Variants in KCTD2 observed in about 807,000 individuals in gnomAD.
KCTD2 encodes the protein BTB/POZ domain-containing protein KCTD2.
Under a neutral mutation model 27.9 loss-of-function variants are expected in KCTD2, and 18 were observed. The observed-to-expected ratio is 0.64, with a 90% confidence interval of 0.45 to 0.96. The LOEUF (loss-of-function observed/expected upper bound fraction) is 0.96, where lower values mean the gene tolerates loss of function less well. Ranked by LOEUF, KCTD2 falls within the 40% of genes least tolerant of loss-of-function variation. KCTD2 has a pLI of 0.00. For synonymous variants in KCTD2, 175 were observed against 148.4 expected (o/e 1.18, Z -1.30); for missense variants, 280 against 348.0 (o/e 0.80, Z 1.56).
intron 3 of KCTD2, among the ~76,000 whole-genome samples, chr17:75,055,097 C>A (rs1177080647): frequency 6.6e-6 from 1 of 152,050 alleles, no homozygotes; most frequent in Non-Finnish European, 1.5e-5. Context: ...CTCTGTCACC[C>A]AGGCAGGAGT....
upstream of KCTD2, chr17:75,046,932 G>T (rs752429600): frequency 2.4e-4 from 38 of 159,098 alleles, no homozygotes; most frequent in Non-Finnish European, 4.4e-4. Flanking sequence ...CACCTTCACC[G>T]ACCCTGGCTG....
upstream of KCTD2, chr17:75,042,571 A>G: frequency 6.2e-7 from 1 of 1,612,880 alleles, no homozygotes; most frequent in East Asian, 2.2e-5. Flanking sequence ...GGAACTAGCA[A>G]TGGCCTTTTG....
rs1366231294 is a variant in KCTD2, at chr17:75,064,151, AC to A, written c.*1110del. Reference sequence around the variant, plus strand: ...CTGGGGACCCCCTGTGTCTCTGACCACCCCCCTGACCCCCGCCATTACTTTC... The same window carrying A: ...CTGGGGACCCCCTGTGTCTCTGACCACCCCCTGACCCCCGCCATTACTTTC... On this transcript the variant is annotated 3_prime_UTR_variant, in exon 6 of 6. Transcript: ENST00000322444. The A allele has an allele frequency of 1.3e-5, 2 of 151,014 alleles. No homozygotes were observed. Among genetic ancestry groups the A allele is most frequent in the Non-Finnish European group, 1.5e-5 (1 of 67,694 alleles). 9.4% of individuals were successfully genotyped at this position (151,014 alleles called of 1,614,324 possible).
At chr17:75,036,174 C>G (rs1332114373) in intron 3 of KCTD2, 1 of 360,310 alleles carries the variant, frequency 2.8e-6, no homozygotes, top group Admixed American at 3.0e-5. Flanking sequence ...CTGCCTCATC[C>G]TCCCAAAGTG....
intron 3 of KCTD2, chr17:75,039,464 T>C (rs1480419602): frequency 8.8e-6 from 5 of 571,124 alleles, no homozygotes; most frequent in East Asian, 2.9e-5. Context: ...GAAGCCCATA[T>C]GGAAAACCAG....
At chr17:75,043,216 G>A (rs951762219), upstream of KCTD2, among the ~76,000 whole-genome samples, 10 of 152,216 alleles carry the variant, frequency 6.6e-5, no homozygotes, top group Admixed American at 4.6e-4. Flanking sequence ...GCAAGAGTCC[G>A]TCTCAAAAAG....
intron 4 of KCTD2, chr17:75,060,510 C>A (rs1225548800): frequency 6.2e-7 from 1 of 1,612,436 alleles, no homozygotes. Flanking sequence ...AACAGCGCGA[C>A]AGCCAAGACC....
Position 75,050,339 on chromosome 17 carries a change from G to A in KCTD2, c.448+1011G>A, listed in dbSNP as rs182347291. Among the ~76,000 whole-genome samples the A allele has an allele frequency of 4.1e-3, 625 of 151,776 alleles. 4 individuals carry two copies. Among genetic ancestry groups the A allele is most frequent in the Non-Finnish European group, 3.9e-3 (264 of 67,968 alleles). ...TGCACTGGCACAATCTTGACTCACT[G>A]CAACCTCAGCCTCCTGGGTTCAAGC... On this transcript the variant is annotated intron_variant, in intron 2 of 5. Transcript: ENST00000322444.
At chr17:75,033,694 G>C (rs1245155245) in intron 1 of KCTD2, among the ~76,000 whole-genome samples, 2 of 152,238 alleles carry the variant, frequency 1.3e-5, no homozygotes, top group Non-Finnish European at 2.9e-5. Flanking sequence ...GGGGCTCCAT[G>C]GGGCGTCCCA....
intron 3 of KCTD2, among the ~76,000 whole-genome samples, chr17:75,054,933 C>T (rs185043015): frequency 4.7e-4 from 71 of 152,272 alleles, no homozygotes; most frequent in African/African-American, 1.6e-3. Flanking sequence ...CGTGCTCCAC[C>T]ATGACTACCT....
intron 3 of KCTD2, among the ~76,000 whole-genome samples, chr17:75,053,500 G>A (rs979787923): frequency 6.6e-6 from 1 of 152,024 alleles, no homozygotes; most frequent in Admixed American, 6.6e-5. Flanking sequence ...GAGTGCAGTG[G>A]TGCAATCTCG....
chr17:75,059,053 G>A (rs1171343735), intron 3 of KCTD2: 1 of 151,950 alleles, frequency 6.6e-6, no homozygotes, highest in Admixed American at 6.6e-5. Context: ...AGCCAAGATT[G>A]CACCATTGCA....
rs1459986652 is a variant in KCTD2 at position 75,039,232 on chromosome 17, T to C, written c.-259+3875T>C. ...ACCTCTTTCTCATATTCTACAATCCTGGCCTTTGAGAGAGACACCCACTCA... is the reference window on the plus strand; with the variant it reads ...ACCTCTTTCTCATATTCTACAATCCCGGCCTTTGAGAGAGACACCCACTCA... On this transcript the variant is annotated intron_variant, in intron 3 of 7. Coordinates refer to the KCTD2 transcript ENST00000581589. The C allele has an allele frequency of 2.5e-6, 4 of 1,614,096 alleles. No individual in the cohort carries two copies. In the South Asian group the frequency reaches 3.3e-5, roughly 13 times the overall value.
At chr17:75,044,502 GCC>G (rs760365779), upstream of KCTD2, among the ~76,000 whole-genome samples, 1 of 76,934 alleles carries the variant, frequency 1.3e-5, no homozygotes, top group African/African-American at 2.7e-4. Context: ...ACCGCGCCCG[GCC>G]CTAATTTTTG....
chr17:75,042,142 A>G (rs778434521), intron 3 of KCTD2: 44 of 1,548,688 alleles, frequency 2.8e-5, no homozygotes, highest in Non-Finnish European at 3.6e-5. Flanking sequence ...ACCCACAGGC[A>G]TGTTACAAGC....
At chr17:75,036,056 C>A (rs1334651771) in intron 3 of KCTD2, 5 of 449,950 alleles carry the variant, frequency 1.1e-5, no homozygotes, top group Non-Finnish European at 2.2e-5. Context: ...TTTTTTTTTT[C>A]TTTTTCTTCT....
rs1158280607 is a variant in KCTD2 at position 75,065,424 on chromosome 17, C to CA, written c.*2378dup. Reference sequence around the variant, plus strand: ...GGTCTGCGTGGCAGTTTGGGGCTGTCACGTGACCAGTGACCCACACTCTCT... The same window carrying CA: ...GGTCTGCGTGGCAGTTTGGGGCTGTCAACGTGACCAGTGACCCACACTCTCT... On this transcript the variant is annotated 3_prime_UTR_variant, in exon 6 of 6. Transcript: ENST00000322444. 1 of 152,262 alleles carries CA rather than the reference C, an allele frequency of 6.6e-6. No homozygotes were observed. Among genetic ancestry groups the CA allele is most frequent in the Non-Finnish European group, 1.5e-5 (1 of 68,096 alleles). The allele number at this position is 152,262 out of a possible 1,614,324, so 9.4% of individuals were successfully genotyped here.
upstream of KCTD2, among the ~76,000 whole-genome samples, chr17:75,043,861 C>G (rs112569307): frequency 1.2e-4 from 19 of 152,124 alleles, no homozygotes; most frequent in Admixed American, 3.9e-4. Context: ...CCTGCTTGCC[C>G]CAGAGGGCTG....
intron 2 of KCTD2, chr17:75,035,183 T>G (rs901712063): frequency 6.6e-6 from 1 of 152,042 alleles, no homozygotes; most frequent in Non-Finnish European, 1.5e-5. Flanking sequence ...CCCTTCGTGG[T>G]CGGAACGTTT....
Sources: allele counts gnomAD v4.1 joint callset (sites outside exome capture counted in the v4.1 genomes callset), GRCh38; gene constraint gnomAD v4.1.1; transcripts MANE v1.5; gene names NCBI Gene and HGNC (gene_info 2026-07-23, HGNC 2026-07-21).